PRKCA: variants seen among roughly 807,000 people sequenced by gnomAD.
PRKCA encodes the protein protein kinase C alpha, also known as protein kinase C alpha type.
Under a neutral mutation model 87.0 loss-of-function variants are expected in PRKCA, and 27 were observed. The ratio of observed to expected loss-of-function variants is 0.31; its 90% CI spans 0.23 to 0.43. The LOEUF is 0.43. Ranked by LOEUF, PRKCA falls within the 20% of genes least tolerant of loss-of-function variation. PRKCA has a pLI of 1.00. For synonymous variants in PRKCA, 329 were observed against 311.1 expected (o/e 1.06, Z -0.61); for missense variants, 518 against 852.3 (o/e 0.61, Z 4.88).
At chr17:66,377,465 A>G (rs1909488390) in intron 2 of PRKCA, among the ~76,000 whole-genome samples, 1 of 150,766 alleles carries the variant, frequency 6.6e-6, no homozygotes, top group Non-Finnish European at 1.5e-5. Flanking sequence ...CTGCTTTTAT[A>G]TATATAGATA....
intron 3 of PRKCA, among the ~76,000 whole-genome samples, chr17:66,518,408 T>G (rs1967042020): frequency 1.3e-5 from 2 of 152,242 alleles, no homozygotes; most frequent in African/African-American, 4.8e-5. Context: ...TCGTAAGATA[T>G]TCTCTGTCTT....
intron 15 of PRKCA, among the ~76,000 whole-genome samples, chr17:66,787,614 T>C (rs1975433541): frequency 6.6e-6 from 1 of 152,180 alleles, no homozygotes; most frequent in Non-Finnish European, 1.5e-5. Context: ...GATAAATGAA[T>C]CTTCACAAAA....
intron 5 of PRKCA, among the ~76,000 whole-genome samples, chr17:66,667,009 T>TA (rs1972061639): frequency 6.6e-6 from 1 of 152,164 alleles, no homozygotes; most frequent in African/African-American, 2.4e-5. Context: ...GAAAGAATCT[T>TA]AGAGATTTCC....
At chr17:66,558,391 C>T (rs1012771222) in intron 3 of PRKCA, among the ~76,000 whole-genome samples, 3 of 152,076 alleles carry the variant, frequency 2.0e-5, no homozygotes, top group Non-Finnish European at 1.5e-5. Flanking sequence ...GAGAAGAGGG[C>T]TTTGCTGGGA....
At chr17:66,412,336 C>T (rs1199344346) in intron 2 of PRKCA, among the ~76,000 whole-genome samples, 1 of 152,154 alleles carries the variant, frequency 6.6e-6, no homozygotes, top group Non-Finnish European at 1.5e-5. Flanking sequence ...GGATTACAAG[C>T]GTGAGCCACT....
chr17:66,431,519 A>C (rs1913098849), intron 2 of PRKCA, among the ~76,000 whole-genome samples: 1 of 152,144 alleles, frequency 6.6e-6, no homozygotes, highest in African/African-American at 2.4e-5. Context: ...TCATGATCCA[A>C]ATTGGTCAGA....
intron 2 of PRKCA, among the ~76,000 whole-genome samples, chr17:66,452,800 C>A (rs1442014576): frequency 6.6e-6 from 1 of 152,156 alleles, no homozygotes; most frequent in East Asian, 1.9e-4. Context: ...GGAGGCGGAG[C>A]ATGCAGTGAG....
chr17:66,638,347 G>A (rs574305196), intron 3 of PRKCA: 1 of 152,060 alleles, frequency 6.6e-6, no homozygotes, highest in South Asian at 2.1e-4. Context: ...AGGATCACGT[G>A]CAAATATGTG....
intron 8 of PRKCA, among the ~76,000 whole-genome samples, chr17:66,701,927 A>G (rs1973074186): frequency 6.6e-6 from 1 of 152,176 alleles, no homozygotes; most frequent in South Asian, 2.1e-4. Flanking sequence ...ACTTGAAAAT[A>G]AAGCTACCAT....
chr17:66,570,258 G>C (rs1056444647), intron 3 of PRKCA, among the ~76,000 whole-genome samples: 2 of 152,180 alleles, frequency 1.3e-5, no homozygotes, highest in African/African-American at 4.8e-5. Flanking sequence ...GGGGACTTCT[G>C]GGGCTCTCGT....
chr17:66,381,587 A>G (rs1327015158), intron 2 of PRKCA, among the ~76,000 whole-genome samples: 2 of 152,214 alleles, frequency 1.3e-5, no homozygotes, highest in African/African-American at 2.4e-5. Context: ...ACTTCATTCC[A>G]TATCTTGCTC....
At chr17:66,704,616 A>G (rs1411709160) in intron 8 of PRKCA, among the ~76,000 whole-genome samples, 1 of 152,224 alleles carries the variant, frequency 6.6e-6, no homozygotes, top group African/African-American at 2.4e-5. Flanking sequence ...AAAATTGGTG[A>G]TCTTGAATGA....
intron 2 of PRKCA, among the ~76,000 whole-genome samples, chr17:66,408,833 C>T (rs560391390): frequency 6.6e-6 from 1 of 151,960 alleles, no homozygotes; most frequent in Non-Finnish European, 1.5e-5. Context: ...GTGGGCGGAT[C>T]ACAAGGCTAG....
chr17:66,329,435 A>G (rs1277803525), intron 2 of PRKCA, among the ~76,000 whole-genome samples: 1 of 152,168 alleles, frequency 6.6e-6, no homozygotes, highest in East Asian at 1.9e-4. Context: ...GGCAGCCAGG[A>G]CTGGAGAGTC....
intron 2 of PRKCA, among the ~76,000 whole-genome samples, chr17:66,494,411 G>A (rs769239522): frequency 6.6e-6 from 1 of 152,290 alleles, no homozygotes; most frequent in East Asian, 1.9e-4. Context: ...ATGCTCCCAG[G>A]GGGAGGAAGA....
intron 3 of PRKCA, among the ~76,000 whole-genome samples, chr17:66,509,247 A>G (rs1440499780): frequency 6.6e-6 from 1 of 151,834 alleles, no homozygotes; most frequent in Non-Finnish European, 1.5e-5. Context: ...CAATGCAATT[A>G]TGGAGGCCGG....
intron 2 of PRKCA, among the ~76,000 whole-genome samples, chr17:66,406,541 A>C (rs1188544410): frequency 7.1e-6 from 1 of 141,708 alleles, no homozygotes; most frequent in Non-Finnish European, 1.5e-5. Flanking sequence ...GCAGGGCAGA[A>C]AACGCTGCCC....
intron 3 of PRKCA, among the ~76,000 whole-genome samples, chr17:66,553,282 C>T (rs1968397885): frequency 6.6e-6 from 1 of 152,130 alleles, no homozygotes; most frequent in Non-Finnish European, 1.5e-5. Flanking sequence ...TGCACCTGGC[C>T]TGATGAATGA....
chr17:66,752,970 TTC>T (rs1225516206), intron 13 of PRKCA, among the ~76,000 whole-genome samples: 1 of 152,222 alleles, frequency 6.6e-6, no homozygotes, highest in African/African-American at 2.4e-5. Context: ...TGAGCAAACT[TTC>T]TCTGCCAGGG....
Sources: allele counts gnomAD v4.1 joint callset (sites outside exome capture counted in the v4.1 genomes callset), GRCh38; gene constraint gnomAD v4.1.1; transcripts MANE v1.5; gene names NCBI Gene and HGNC (gene_info 2026-07-23, HGNC 2026-07-21).